Variants in DLST observed in about 807,000 individuals in gnomAD.
DLST encodes dihydrolipoyllysine-residue succinyltransferase component of 2-oxoglutarate dehydrogenase complex, mitochondrial.
In DLST, 17 loss-of-function variants were observed where a neutral mutation model predicts 53.1. That is an observed-to-expected ratio of 0.32 (90% confidence interval 0.22 to 0.48). The LOEUF (loss-of-function observed/expected upper bound fraction) is 0.48. Among genes scored for constraint, DLST ranks in the 20% least tolerant of loss-of-function variants. The pLI is 0.99. For missense variants in DLST, 512 were observed against 583.9 expected (o/e 0.88, Z 1.27); for synonymous variants, 206 against 204.8 (o/e 1.01, Z -0.05).
chr14:74,889,493 C>G, intron 5 of DLST, 144 bp downstream of exon 5: 2 of 689,206 alleles, frequency 2.9e-6, no homozygotes, highest in East Asian at 2.9e-5. Context: ...CTCAGCCTCC[C>G]GAATAGCTGG....
chr14:74,891,455 C>T, intron 7 of DLST: 1 of 1,040,528 alleles, frequency 9.6e-7, no homozygotes, highest in Non-Finnish European at 1.2e-6. Context: ...ATTGAGCATA[C>T]CTAATCTGAA....
chr14:74,900,440 C>T, intron 13 of DLST, 68 bp downstream of exon 13: 1 of 1,423,066 alleles, frequency 7.0e-7, no homozygotes, highest in Non-Finnish European at 9.9e-7. Flanking sequence ...AGGCTGGGCT[C>T]ACTAGCAAGC....
Position 74,902,240 on chromosome 14 carries a change from C to T in DLST, c.1272C>T (p.His424=), listed in dbSNP as rs747394868. 6.2e-6 allele frequency: 10 copies of T among 1,612,934 alleles called. No individual in the cohort carries two copies. The South Asian group carries it at 8.8e-5, about 14-fold the overall frequency. ...PMMYVALTYD[H]RLIDGREAVT... is the part of the protein sequence containing the mutation. ...TGTACGTGGCACTGACCTATGATCA[C>T]CGGCTGATTGATGGCAGAGAGGCTG... Residue 424 remains histidine, a synonymous_variant, in exon 15 of 15, where the codon CAC becomes CAT. Coordinates refer to ENST00000334220, the MANE Select transcript of DLST (RefSeq NM_001933.5).
intron 10 of DLST, among the ~76,000 whole-genome samples, chr14:74,895,343 T>C (rs1884043429): frequency 6.6e-6 from 1 of 152,368 alleles, no homozygotes; most frequent in Admixed American, 6.5e-5. Flanking sequence ...AGCTAATTGT[T>C]GACTTACCTG....
At chr14:74,893,577 C>A (rs2140196113) in intron 9 of DLST, among the ~76,000 whole-genome samples, 153 bp downstream of exon 9, 1 of 152,346 alleles carries the variant, frequency 6.6e-6, no homozygotes, top group East Asian at 1.9e-4. Context: ...TTCATAGTCA[C>A]ATAACCATCA....
chr14:74,898,314 T>C (rs1012483631), intron 10 of DLST, 55 bp from the exon 11 acceptor site: 1 of 1,590,338 alleles, frequency 6.3e-7, no homozygotes, highest in African/African-American at 1.3e-5. Flanking sequence ...GAGAAACCTG[T>C]GTGAAAGTCA....
chr14:74,891,930 G>C (rs1283734544), intron 7 of DLST: 5 of 886,462 alleles, frequency 5.6e-6, no homozygotes, highest in Admixed American at 1.2e-4. Context: ...TGTTGCAGAA[G>C]TTTGTCTTAG....
At chr14:74,900,054 A>ATCTCCTTCACACAG in intron 12 of DLST, 58 bp downstream of exon 12, 5 of 1,369,378 alleles carry the variant, frequency 3.7e-6, no homozygotes, top group Non-Finnish European at 5.2e-6. Flanking sequence ...TATCTGTGTG[A>ATCTCCTTCACACAG]AGGAGATCAC....
At chr14:74,890,096 T>A (rs1467530473) in intron 6 of DLST, 144 bp downstream of exon 6, 50 of 434,950 alleles carry the variant, frequency 1.1e-4, no homozygotes, top group Non-Finnish European at 1.0e-4. Context: ...TTGTTCAATT[T>A]AAAAAAAAAA....
intron 6 of DLST, among the ~76,000 whole-genome samples, chr14:74,890,523 T>A (rs558783886): frequency 6.6e-6 from 1 of 152,342 alleles, no homozygotes; most frequent in East Asian, 1.9e-4. Context: ...ATAAGCTGTT[T>A]CCACTTTTTC....
intron 7 of DLST, among the ~76,000 whole-genome samples, chr14:74,892,566 A>G (rs550209612): frequency 7.2e-5 from 11 of 151,886 alleles, no homozygotes; most frequent in Admixed American, 1.3e-4. Flanking sequence ...GGTGCTTTGA[A>G]AGTACTTGCT....
chr14:74,889,760 G>T, intron 5 of DLST, 137 bp from the exon 6 acceptor site: 1 of 760,114 alleles, frequency 1.3e-6, no homozygotes, highest in Non-Finnish European at 2.2e-6. Context: ...TTATAGCTCT[G>T]CCGTTTTCTT....
At chr14:74,896,373 G>T (rs538540231) in intron 10 of DLST, among the ~76,000 whole-genome samples, 1 of 152,328 alleles carries the variant, frequency 6.6e-6, no homozygotes, top group South Asian at 2.1e-4. Context: ...TGAATGCCAG[G>T]GTAGGAGTTT....
chr14:74,882,648 C>G, intron 2 of DLST, 24 bp downstream of exon 2: 1 of 1,612,570 alleles, frequency 6.2e-7, no homozygotes, highest in Non-Finnish European at 8.5e-7. Context: ...TTACCGTCAC[C>G]TAAAATGCTC....
At chr14:74,888,095 A>C (rs543006557) in intron 3 of DLST, among the ~76,000 whole-genome samples, 1 of 152,292 alleles carries the variant, frequency 6.6e-6, no homozygotes, top group East Asian at 1.9e-4. Flanking sequence ...GGCTTTGTGC[A>C]TACAGGGTGA....
intron 12 of DLST, 58 bp downstream of exon 12, chr14:74,900,054 A>G: frequency 7.3e-7 from 1 of 1,369,402 alleles, no homozygotes; most frequent in Non-Finnish European, 1.0e-6. Context: ...TATCTGTGTG[A>G]AGGAGATCAC....
At chr14:74,899,896 A>T in intron 11 of DLST, 27 bp from the exon 12 acceptor site, 2 of 1,576,656 alleles carry the variant, frequency 1.3e-6, no homozygotes, top group South Asian at 2.2e-5. Context: ...GGGGAGTTGT[A>T]TGTAACATGT....
intron 7 of DLST, among the ~76,000 whole-genome samples, chr14:74,892,350 A>G (rs999831671): frequency 3.9e-5 from 6 of 152,112 alleles, no homozygotes; most frequent in African/African-American, 1.4e-4. Context: ...CAAGGGGAGT[A>G]ATCCCTTGGC....
At chr14:74,883,900 ACT>A (rs1883617567) in intron 2 of DLST, among the ~76,000 whole-genome samples, 1 of 152,048 alleles carries the variant, frequency 6.6e-6, no homozygotes, top group Non-Finnish European at 1.5e-5. Context: ...GTATAGATAG[ACT>A]CTAGCCTCGA....
Sources: gnomAD v4.1 joint callset for allele counts (sites outside exome capture counted in the v4.1 genomes callset) on GRCh38, gnomAD v4.1.1 for gene constraint, MANE v1.5 for transcripts, NCBI Gene and HGNC (gene_info 2026-07-23, HGNC 2026-07-21) for gene names.